AGBL4: variants seen among roughly 807,000 people sequenced by gnomAD.
AGBL4 encodes cytosolic carboxypeptidase 6.
Under a neutral mutation model 66.4 loss-of-function variants are expected in AGBL4, and 58 were observed. That is an observed-to-expected ratio of 0.87 (90% CI 0.71 to 1.09). AGBL4 has a LOEUF of 1.09. AGBL4 is among the 50% of genes least tolerant of loss of function. The pLI, the probability that AGBL4 is intolerant of heterozygous loss-of-function variation, is 0.00. For synonymous variants in AGBL4, 234 were observed against 222.9 expected, an observed-to-expected ratio of 1.05 and a Z score of -0.44; for missense variants, 579 against 631.0, an observed-to-expected ratio of 0.92 and a Z score of 0.88.
chr1:49,272,352 A>G (rs1644078898), intron 3 of AGBL4, among the ~76,000 whole-genome samples: 1 of 152,188 alleles, frequency 6.6e-6, no homozygotes, highest in South Asian at 2.1e-4. Context: ...TTATTGGGCC[A>G]TGTTCCTTAA....
intron 4 of AGBL4, among the ~76,000 whole-genome samples, chr1:49,209,000 C>A (rs1220463004): frequency 6.6e-6 from 1 of 152,038 alleles, no homozygotes; most frequent in African/African-American, 2.4e-5. Flanking sequence ...CTGGGCAGAA[C>A]AACTAAGCAG....
chr1:48,615,041 T>C (rs1385128603), intron 9 of AGBL4, among the ~76,000 whole-genome samples: 1 of 151,772 alleles, frequency 6.6e-6, no homozygotes, highest in African/African-American at 2.4e-5. Flanking sequence ...TTCTGAGGGC[T>C]AGAGAATAAG....
chr1:48,991,701 G>A (rs1660618420), intron 5 of AGBL4, among the ~76,000 whole-genome samples: 1 of 151,904 alleles, frequency 6.6e-6, no homozygotes, highest in Non-Finnish European at 1.5e-5. Context: ...TTCTGACTGT[G>A]TATTTTCAAA....
intron 4 of AGBL4, among the ~76,000 whole-genome samples, chr1:49,212,373 A>T (rs938979010): frequency 3.3e-5 from 5 of 152,158 alleles, no homozygotes; most frequent in South Asian, 2.1e-4. Flanking sequence ...TTAGTTTCAC[A>T]AATAAGTGGC....
At chr1:49,100,579 A>G (rs1159788301) in intron 4 of AGBL4, among the ~76,000 whole-genome samples, 1 of 152,174 alleles carries the variant, frequency 6.6e-6, no homozygotes, top group Non-Finnish European at 1.5e-5. Flanking sequence ...ACAGGTGAAC[A>G]TATGTCGGGG....
chr1:48,547,153 G>A (rs935476189), intron 11 of AGBL4, among the ~76,000 whole-genome samples: 11 of 152,208 alleles, frequency 7.2e-5, no homozygotes, highest in African/African-American at 2.6e-4. Context: ...TAAGGAGTCT[G>A]GACTTTCTTG....
intron 6 of AGBL4, among the ~76,000 whole-genome samples, chr1:48,807,415 T>C (rs559744795): frequency 2.0e-5 from 3 of 152,280 alleles, no homozygotes; most frequent in African/African-American, 7.2e-5. Flanking sequence ...AGAACAAAAC[T>C]CCCACAAGGC....
intron 4 of AGBL4, among the ~76,000 whole-genome samples, chr1:49,108,991 A>G (rs1304579671): frequency 6.6e-6 from 1 of 152,144 alleles, no homozygotes; most frequent in East Asian, 1.9e-4. Context: ...TACCTGAAAA[A>G]TGAGGGGGTT....
chr1:49,894,749 A>G (rs531684475), intron 1 of AGBL4, among the ~76,000 whole-genome samples: 11 of 152,284 alleles, frequency 7.2e-5, no homozygotes, highest in Non-Finnish European at 1.2e-4. Flanking sequence ...ATAAAAACCA[A>G]TGAAGTATTC....
intron 1 of AGBL4, among the ~76,000 whole-genome samples, chr1:49,959,862 G>A (rs1222133706): frequency 6.6e-6 from 1 of 152,070 alleles, no homozygotes; most frequent in African/African-American, 2.4e-5. Context: ...TAAAAAGAAT[G>A]AGATCATGTC....
chr1:49,880,192 C>T (rs372576052), intron 1 of AGBL4, among the ~76,000 whole-genome samples: 2 of 151,784 alleles, frequency 1.3e-5, no homozygotes, highest in Admixed American at 6.6e-5. Flanking sequence ...AGCTTTGTTC[C>T]GTTGCTGGTG....
At chr1:49,411,307 GT>G (rs941477791) in intron 3 of AGBL4, among the ~76,000 whole-genome samples, 1 of 152,214 alleles carries the variant, frequency 6.6e-6, no homozygotes, top group Non-Finnish European at 1.5e-5. Flanking sequence ...CAACAAGCCA[GT>G]TTTATCCCAC....
intron 5 of AGBL4, among the ~76,000 whole-genome samples, chr1:48,899,406 A>G (rs895698205): frequency 1.4e-5 from 2 of 141,336 alleles, no homozygotes; most frequent in South Asian, 2.4e-4. Context: ...GAAATTCTCA[A>G]ACAATAAGTT....
intron 2 of AGBL4, among the ~76,000 whole-genome samples, chr1:49,735,408 C>T (rs535187820): frequency 2.3e-4 from 34 of 150,478 alleles, no homozygotes; most frequent in African/African-American, 8.1e-4. Context: ...TCAAAGAATG[C>T]AGTCGGCCTC....
At chr1:49,596,312 C>T (rs1354935661) in intron 3 of AGBL4, among the ~76,000 whole-genome samples, 1 of 152,064 alleles carries the variant, frequency 6.6e-6, no homozygotes, top group Admixed American at 6.6e-5. Context: ...GGGTTACAGG[C>T]GTGCACACCA....
intron 6 of AGBL4, among the ~76,000 whole-genome samples, chr1:48,751,078 G>A (rs1651662470): frequency 6.6e-6 from 1 of 152,148 alleles, no homozygotes; most frequent in Non-Finnish European, 1.5e-5. Flanking sequence ...GCATAGATAT[G>A]TCTTTTCCCC....
chr1:49,798,553 T>G (rs906565139), intron 2 of AGBL4, among the ~76,000 whole-genome samples: 1 of 152,206 alleles, frequency 6.6e-6, no homozygotes, highest in Non-Finnish European at 1.5e-5. Flanking sequence ...ATTGTCTAGT[T>G]TGATTGTTGA....
chr1:50,006,820 A>G (rs1170769094), intron 1 of AGBL4, among the ~76,000 whole-genome samples: 1 of 152,230 alleles, frequency 6.6e-6, no homozygotes, highest in Admixed American at 6.5e-5. Context: ...AAAAAATGCC[A>G]AAGGGAGTTC....
At chr1:48,544,685 C>T (rs900271424) in intron 11 of AGBL4, among the ~76,000 whole-genome samples, 9 of 152,188 alleles carry the variant, frequency 5.9e-5, no homozygotes, top group African/African-American at 2.2e-4. Context: ...AAGCTGGAAT[C>T]CCGAGCCTCC....
Sources: gnomAD v4.1 joint callset for allele counts (sites outside exome capture counted in the v4.1 genomes callset) on GRCh38, gnomAD v4.1.1 for gene constraint, MANE v1.5 for transcripts, NCBI Gene and HGNC (gene_info 2026-07-23, HGNC 2026-07-21) for gene names.